The following NT5DC3 variants were observed in gnomAD, a reference collection of about 807,000 sequenced individuals.
The protein encoded by NT5DC3 is 5'-nucleotidase domain containing 3, also known as 5'-nucleotidase domain-containing protein 3.
NT5DC3 carries 42 observed loss-of-function variants against 67.8 expected under a neutral mutation model. That is an observed-to-expected ratio of 0.62 (90% CI 0.48 to 0.80). The LOEUF (loss-of-function observed/expected upper bound fraction) is 0.80, where lower values mean the gene tolerates loss of function less well. Among genes scored for constraint, NT5DC3 ranks in the 30% least tolerant of loss-of-function variants. NT5DC3 has a pLI of 0.00. For synonymous variants in NT5DC3, 237 were observed against 255.6 expected (o/e 0.93, Z 0.69); for missense variants, 570 against 696.4 (o/e 0.82, Z 2.04).
At chr12:103,794,148 CTT>C in intron 6 of NT5DC3, 151 bp from the exon 7 acceptor site, 1 of 488,440 alleles carries the variant, frequency 2.0e-6, no homozygotes, top group Non-Finnish European at 3.6e-6. Flanking sequence ...CCATTTTCTT[CTT>C]CTTTTTTTTT....
At chr12:103,828,379 T>C (rs531421665) in intron 1 of NT5DC3, among the ~76,000 whole-genome samples, 1 of 152,362 alleles carries the variant, frequency 6.6e-6, no homozygotes, top group South Asian at 2.1e-4. Context: ...TAGGTTCTCC[T>C]ATTTTAGGCA....
the NT5DC3 span, chr12:103,763,595 A>ACGAC: frequency 6.2e-7 from 1 of 1,613,900 alleles, no homozygotes; most frequent in South Asian, 1.1e-5. Flanking sequence ...GAACCTTCCT[A>ACGAC]CGACCCCTTC....
the NT5DC3 span, among the ~76,000 whole-genome samples, chr12:103,765,295 G>A: frequency 8.5e-5 from 13 of 152,216 alleles, no homozygotes; most frequent in East Asian, 1.7e-3. Context: ...CCTGAGGCAG[G>A]TGAGAAAGTA....
chr12:103,816,794 CTAAAT>C (rs1887272587), intron 1 of NT5DC3, among the ~76,000 whole-genome samples: 1 of 151,794 alleles, frequency 6.6e-6, no homozygotes, highest in Non-Finnish European at 1.5e-5. Flanking sequence ...TTTTAAAAGA[CTAAAT>C]TAAGAAAGCA....
At chr12:103,803,666 T>A (rs1401444973) in intron 4 of NT5DC3, among the ~76,000 whole-genome samples, 3 of 152,126 alleles carry the variant, frequency 2.0e-5, no homozygotes, top group Non-Finnish European at 4.4e-5. Flanking sequence ...AGTCTATTGT[T>A]CACCTCTATA....
At chr12:103,762,529 G>T in the NT5DC3 span, 1 of 1,458,626 alleles carries the variant, frequency 6.9e-7, no homozygotes. Context: ...CACAGTAGCA[G>T]GGGCGGCCAC....
In NT5DC3 at chr12:103,797,015, G is replaced by A. The variant is rs753570835; in HGVS notation, c.632C>T (p.Thr211Met). The change falls in exon 6 of 14, where the codon ACG (threonine) becomes ATG (methionine). Residue 211 changes from threonine (T) to methionine (M), a missense_variant. By Grantham distance (81) the Thr-to-Met change is moderately conservative. Transcript: ENST00000392876. ...GAAGATGTCCATGAACTGCTTCATC[G>A]TGTTTCCATGAGAGCTCTGCAGACA... ...DFYGKSSHGN[T>M]MKQFMDIFSL... The A allele has an allele frequency of 8.7e-6, 14 of 1,613,974 alleles. No individual in the cohort carries two copies. The highest frequency in any genetic ancestry group is 4.0e-5 in the African/African-American group (3 of 74,926).
Position 103,774,791 on chromosome 12 carries a change from C to G in NT5DC3, c.*3038G>C, listed in dbSNP as rs1245126731. On this transcript the variant is annotated 3_prime_UTR_variant, in exon 14 of 14. Coordinates refer to ENST00000392876, the MANE Select transcript of NT5DC3 (RefSeq NM_001031701.3). ...TTGGAAGGCTGAGGTGGGCAGAACACTTGAGGCTAGGAGTTTGAGACCAGC... is the reference window on the plus strand; with the variant it reads ...TTGGAAGGCTGAGGTGGGCAGAACAGTTGAGGCTAGGAGTTTGAGACCAGC... 1 of 150,944 alleles carries G rather than the reference C, an allele frequency of 6.6e-6. No individual in the cohort carries two copies. The highest frequency in any genetic ancestry group is 1.9e-4 in the East Asian group (1 of 5,140). 9.4% of individuals were successfully genotyped at this position (150,944 alleles called of 1,614,324 possible). A position where few individuals can be genotyped will look rare whatever the true frequency, so the allele number is the denominator to read the frequency against.
the NT5DC3 span, chr12:103,750,673 A>C: frequency 1.2e-6 from 2 of 1,614,250 alleles, no homozygotes; most frequent in Admixed American, 3.3e-5. Flanking sequence ...TTACAGGACA[A>C]TGGGCAGTGC....
intron 1 of NT5DC3, among the ~76,000 whole-genome samples, chr12:103,817,363 GT>G (rs138564488): frequency 7.9e-4 from 119 of 151,332 alleles, no homozygotes; most frequent in African/African-American, 1.6e-3. Context: ...ATATATGACA[GT>G]TTTTTTTTCA....
At position 103,780,219 on chromosome 12, in the gene NT5DC3, C is replaced by G. The variant is rs552581769; in HGVS notation, c.1394+81G>C. 98 of 1,173,720 alleles carry G rather than the reference C, an allele frequency of 8.3e-5. 1 individual carries two copies. The East Asian group carries it at 1.8e-3, about 22-fold the overall frequency. 72.7% of individuals were successfully genotyped at this position (1,173,720 alleles called of 1,614,324 possible). ...GGATGTTTCAACATTATGCCTCAGG[C>G]TGGCCCTGGGGAACACATGTGGGCT... is the stretch of plus-strand genomic sequence containing the variant. On this transcript the variant is annotated intron_variant, in intron 13 of 13. Coordinates refer to ENST00000392876, the MANE Select transcript of NT5DC3 (RefSeq NM_001031701.3).
the NT5DC3 span, chr12:103,763,461 T>C: frequency 1.9e-6 from 3 of 1,607,914 alleles, no homozygotes; most frequent in East Asian, 2.2e-5. Flanking sequence ...TTGGGGATGC[T>C]CCTGGCTTTC....
At chr12:103,763,271 G>A in the NT5DC3 span, 9 of 557,756 alleles carry the variant, frequency 1.6e-5, no homozygotes, top group South Asian at 4.2e-5. Flanking sequence ...CCTATGTGCC[G>A]ATTTGGTGGT....
chr12:103,807,561 C>T (rs944020910), intron 2 of NT5DC3, among the ~76,000 whole-genome samples: 1 of 152,216 alleles, frequency 6.6e-6, no homozygotes, highest in Non-Finnish European at 1.5e-5. Flanking sequence ...GGCAACCCCA[C>T]GGCTGTCAGA....
chr12:103,758,260 C>A, the NT5DC3 span: 2 of 1,614,000 alleles, frequency 1.2e-6, no homozygotes, highest in Admixed American at 1.7e-5. Context: ...CCTCTTTGTG[C>A]CACAGAACAG....
At chr12:103,753,353 G>C in the NT5DC3 span, 1 of 1,614,238 alleles carries the variant, frequency 6.2e-7, no homozygotes, top group Non-Finnish European at 8.5e-7. Context: ...ATGCCCAGAA[G>C]GTGGGTCTTC....
downstream of NT5DC3, chr12:103,766,184 T>G (rs781276215): frequency 6.8e-7 from 1 of 1,464,150 alleles, no homozygotes. Flanking sequence ...GTGTTCACAG[T>G]GCTCAGGGAG....
chr12:103,839,015 G>A (rs1349022085), intron 1 of NT5DC3, among the ~76,000 whole-genome samples: 1 of 152,164 alleles, frequency 6.6e-6, no homozygotes, highest in Non-Finnish European at 1.5e-5. Context: ...TCTTTATGAG[G>A]AACTGTTCAG....
rs1885317008 is a variant in NT5DC3, at chr12:103,775,620, G to A, written c.*2209C>T. The A allele has an allele frequency of 6.6e-6, 1 of 152,020 alleles. No individual in the cohort carries two copies. The highest frequency in any genetic ancestry group is 2.1e-4 in the South Asian group (1 of 4,810). The allele number at this position is 152,020 out of a possible 1,614,324, so 9.4% of individuals were successfully genotyped here. On this transcript the variant is annotated 3_prime_UTR_variant, in exon 14 of 14. Coordinates refer to ENST00000392876, the MANE Select transcript of NT5DC3 (RefSeq NM_001031701.3). ...GTGTCAGCCTCCAATACACCCTGAT[G>A]GCGAAAACACCTAGAAGCAAGCAAA...
Sources: gnomAD v4.1 joint callset for allele counts (sites outside exome capture counted in the v4.1 genomes callset) on GRCh38, gnomAD v4.1.1 for gene constraint, MANE v1.5 for transcripts, NCBI Gene and HGNC (gene_info 2026-07-23, HGNC 2026-07-21) for gene names.